Variants in ADAMTS2 observed in about 807,000 individuals in gnomAD.
The protein encoded by ADAMTS2 is ADAM metallopeptidase with thrombospondin type 1 motif 2.
In ADAMTS2, 50 loss-of-function variants were observed where a neutral mutation model predicts 123.0. The observed-to-expected ratio is 0.41, with a 90% CI of 0.32 to 0.51. ADAMTS2 has a LOEUF of 0.51. Among genes scored for constraint, ADAMTS2 ranks in the 20% least tolerant of loss-of-function variants. ADAMTS2 has a pLI of 0.35. For synonymous variants in ADAMTS2, 678 were observed against 695.4 expected, an observed-to-expected ratio of 0.98 and a Z score of 0.39; for missense variants, 1,494 against 1,705.2, an observed-to-expected ratio of 0.88 and a Z score of 2.18.
At chr5:179,209,345 G>A (rs536626936) in intron 3 of ADAMTS2, among the ~76,000 whole-genome samples, 9 of 152,322 alleles carry the variant, frequency 5.9e-5, no homozygotes, top group South Asian at 2.1e-4. Context: ...CCTGCAGCCC[G>A]GCTGTGGGCA....
intron 10 of ADAMTS2, among the ~76,000 whole-genome samples, chr5:179,140,818 T>TTTTTTTTTTTTTTTTTG (rs1763152104): frequency 6.9e-6 from 1 of 145,728 alleles, no homozygotes; most frequent in Non-Finnish European, 1.5e-5. Context: ...TTTTTTTTTT[T>TTTTTTTTTTTTTTTTTG]GAGACAGAGT....
intron 3 of ADAMTS2, among the ~76,000 whole-genome samples, chr5:179,209,543 C>T (rs1162802006): frequency 3.3e-5 from 5 of 151,402 alleles, no homozygotes; most frequent in South Asian, 2.1e-4. Flanking sequence ...CACATGCACA[C>T]ACATGTACAC....
In ADAMTS2 at chr5:179,112,362, C is replaced by T. The variant is rs1385886705; in HGVS notation, c.*1505G>A. On this transcript the variant is annotated 3_prime_UTR_variant, in exon 22 of 22. Coordinates refer to ENST00000251582, the MANE Select transcript of ADAMTS2 (RefSeq NM_014244.5). ...TTGTAAGCCCAGAAAGTTTAAGCTT[C>T]ACGTTCACAAAATGTCAAGGCAGTG... The T allele has an allele frequency of 2.6e-5, 4 of 152,176 alleles. No individual in the cohort carries two copies. Among genetic ancestry groups the T allele is most frequent in the African/African-American group, 9.7e-5 (4 of 41,436 alleles). The allele number at this position is 152,176 out of a possible 1,614,324, so 9.4% of individuals were successfully genotyped here.
chr5:179,146,714 T>G (rs1364484359), intron 10 of ADAMTS2, among the ~76,000 whole-genome samples: 1 of 152,238 alleles, frequency 6.6e-6, no homozygotes, highest in African/African-American at 2.4e-5. Flanking sequence ...CCTTTCTTTT[T>G]TGGTGACAAT....
intron 3 of ADAMTS2, among the ~76,000 whole-genome samples, chr5:179,230,906 G>T (rs1250866865): frequency 6.6e-6 from 1 of 152,070 alleles, no homozygotes; most frequent in African/African-American, 2.4e-5. Context: ...AGCTACTCAG[G>T]AGGCTGAGGC....
intron 2 of ADAMTS2, among the ~76,000 whole-genome samples, chr5:179,298,363 T>C (rs1021848388): frequency 1.3e-5 from 2 of 152,022 alleles, no homozygotes; most frequent in Admixed American, 6.5e-5. Flanking sequence ...ACCCCGTTAA[T>C]GGGATTAGTG....
rs1012627752 is a variant in ADAMTS2 at position 179,285,536 on chromosome 5, G to A, written c.535-12472C>T. ...GCCGGGGTAGCCTCCAGGAAACAGAGCTGGCCAGCCAGACCCAGCCAGGAC... is the reference window on the plus strand; with the variant it reads ...GCCGGGGTAGCCTCCAGGAAACAGAACTGGCCAGCCAGACCCAGCCAGGAC... On this transcript the variant is annotated intron_variant, in intron 2 of 21. Coordinates refer to ENST00000251582, the MANE Select transcript of ADAMTS2 (RefSeq NM_014244.5). The surrounding 1 kb of genome is among the most constrained non-coding windows in gnomAD (Gnocchi z 4.9). 6.6e-6 allele frequency among the ~76,000 whole-genome samples: 1 copy of A among 152,156 alleles called. No homozygotes were observed. The highest frequency in any genetic ancestry group is 1.5e-5 in the Non-Finnish European group (1 of 68,024).
rs768309325 is a variant in ADAMTS2 at position 179,152,264 on chromosome 5, C to T, written c.1516-9G>A. Reference sequence around the variant, plus strand: ...GGGTCAAAGGTCCGGAACTGGAAGACAGCACCATAGCTTGCCAGGTCCCTC... The same window carrying T: ...GGGTCAAAGGTCCGGAACTGGAAGATAGCACCATAGCTTGCCAGGTCCCTC... On this transcript the variant is annotated splice_polypyrimidine_tract_variant and intron_variant, in intron 9 of 21. Transcript: ENST00000251582. The T allele has an allele frequency of 1.2e-6, 2 of 1,613,536 alleles. No individual in the cohort carries two copies. The highest frequency in any genetic ancestry group is 1.3e-5 in the African/African-American group (1 of 75,034).
At chr5:179,310,134 C>G (rs1334123165) in intron 2 of ADAMTS2, among the ~76,000 whole-genome samples, 1 of 152,258 alleles carries the variant, frequency 6.6e-6, no homozygotes, top group East Asian at 1.9e-4. Context: ...CGGACTACGC[C>G]TGCCCAGGGC....
In ADAMTS2 at chr5:179,129,301, G is replaced by A. The variant is rs2113198613; in HGVS notation, c.2457+631C>T. Reference sequence around the variant, plus strand: ...TGCACCCACGTGTGGAGCGCTGGGGGCTGGTGGATTAATCCCAATGCCAGC... The same window carrying A: ...TGCACCCACGTGTGGAGCGCTGGGGACTGGTGGATTAATCCCAATGCCAGC... On this transcript the variant is annotated intron_variant, in intron 16 of 21. Coordinates refer to ENST00000251582, the MANE Select transcript of ADAMTS2 (RefSeq NM_014244.5). This position sits in a 1 kb window ranked among gnomAD's most constrained non-coding sequence, Gnocchi z 4.1. 6.6e-6 allele frequency among the ~76,000 whole-genome samples: 1 copy of A among 152,282 alleles called. No individual in the cohort carries two copies. The highest frequency in any genetic ancestry group is 1.9e-4 in the East Asian group (1 of 5,168).
At chr5:179,191,369 G>T (rs917253473) in intron 4 of ADAMTS2, among the ~76,000 whole-genome samples, 2 of 152,128 alleles carry the variant, frequency 1.3e-5, no homozygotes, top group African/African-American at 4.8e-5. Flanking sequence ...TGCCACCCCC[G>T]GCCCTGGCAT....
rs1248197162 is a variant in ADAMTS2, at chr5:179,111,909, G to A, written c.*1958C>T. The A allele has an allele frequency of 6.6e-6, 1 of 152,298 alleles. No individual in the cohort carries two copies. Among genetic ancestry groups the A allele is most frequent in the African/African-American group, 2.4e-5 (1 of 41,474 alleles). 9.4% of individuals were successfully genotyped at this position (152,298 alleles called of 1,614,324 possible). ...CATCTTCTTAAGGAAGGGGTACTAT[G>A]AGAGATACTCAGAAAGGTTTTCTCC... is the stretch of plus-strand genomic sequence containing the variant. On this transcript the variant is annotated 3_prime_UTR_variant, in exon 22 of 22. Transcript: ENST00000251582.
chr5:179,198,306 G>A (rs1581183127), intron 4 of ADAMTS2, among the ~76,000 whole-genome samples: 3 of 152,220 alleles, frequency 2.0e-5, no homozygotes, highest in South Asian at 4.1e-4. Flanking sequence ...TGCCAGTGAC[G>A]GGGCTGGGGG....
Position 179,148,225 on chromosome 5 carries a change from G to A in ADAMTS2, c.1629+3917C>T, listed in dbSNP as rs557206587. On this transcript the variant is annotated intron_variant, in intron 10 of 21. Transcript: ENST00000251582. ...CCCTTCCCTCCCTGCCCCTGTGCAC[G>A]CCTCCATCTCCTCAACACACGCCTG... Among the ~76,000 whole-genome samples the A allele has an allele frequency of 4.6e-5, 7 of 152,054 alleles. No homozygotes were observed. The South Asian group carries it at 1.5e-3, about 32-fold the overall frequency.
Position 179,189,610 on chromosome 5 carries a change from G to A in ADAMTS2, c.892-8455C>T, listed in dbSNP as rs969237267. 6.8e-6 allele frequency among the ~76,000 whole-genome samples: 1 copy of A among 146,724 alleles called. No homozygotes were observed. Among genetic ancestry groups the A allele is most frequent in the African/African-American group, 2.5e-5 (1 of 39,322 alleles). On this transcript the variant is annotated intron_variant, in intron 4 of 21. Coordinates refer to ENST00000251582, the MANE Select transcript of ADAMTS2 (RefSeq NM_014244.5). This position sits in a 1 kb window ranked among gnomAD's most constrained non-coding sequence, Gnocchi z 4.2. The stretch of plus-strand genomic sequence containing the variant: ...CTGACTTCATGATCTGCCCGCCTCG[G>A]CCTCCCAAAGTGCTGGGATTACAGG...
At chr5:179,325,364 G>A (rs1322115433) in intron 2 of ADAMTS2, among the ~76,000 whole-genome samples, 1 of 152,182 alleles carries the variant, frequency 6.6e-6, no homozygotes, top group African/African-American at 2.4e-5. Flanking sequence ...GGAAGGGAGT[G>A]GGAGAAACGG....
intron 3 of ADAMTS2, among the ~76,000 whole-genome samples, chr5:179,226,341 A>T (rs1269225998): frequency 6.9e-6 from 1 of 145,660 alleles, no homozygotes; most frequent in Non-Finnish European, 1.5e-5. Context: ...ATCTCAGCTC[A>T]CTGCAACCAC....
intron 2 of ADAMTS2, among the ~76,000 whole-genome samples, chr5:179,291,535 T>C (rs1305963934): frequency 6.6e-6 from 1 of 152,120 alleles, no homozygotes; most frequent in Non-Finnish European, 1.5e-5. Flanking sequence ...TGCAGAGGGA[T>C]GGAATGCCTG....
intron 4 of ADAMTS2, among the ~76,000 whole-genome samples, chr5:179,190,859 A>G (rs1349435691): frequency 6.6e-6 from 1 of 152,246 alleles, no homozygotes; most frequent in African/African-American, 2.4e-5. Context: ...GGCCATCACC[A>G]TCGGGAGAGG....
Sources: allele counts gnomAD v4.1 joint callset (sites outside exome capture counted in the v4.1 genomes callset), GRCh38; gene constraint gnomAD v4.1.1; non-coding constraint Gnocchi (gnomAD v3.1); transcripts MANE v1.5; gene names NCBI Gene and HGNC (gene_info 2026-07-23, HGNC 2026-07-21).